The following OLA1 variants were observed in gnomAD, a reference collection of about 807,000 sequenced individuals.
The protein encoded by OLA1 is obg-like ATPase 1.
A neutral mutation model predicts 48.4 loss-of-function variants in OLA1; 14 were observed. The ratio of observed to expected loss-of-function variants is 0.29; its 90% CI spans 0.19 to 0.45. The LOEUF is 0.45. Ranked by LOEUF, OLA1 falls within the 20% of genes least tolerant of loss-of-function variation. The pLI is 1.00. For missense variants in OLA1, 325 were observed against 467.1 expected, an observed-to-expected ratio of 0.70 and a Z score of 2.80; for synonymous variants, 127 against 150.4, an observed-to-expected ratio of 0.84 and a Z score of 1.14.
intron 7 of OLA1, among the ~76,000 whole-genome samples, chr2:174,093,745 CAGTT>C (rs1367466063): frequency 1.3e-5 from 2 of 152,170 alleles, no homozygotes; most frequent in African/African-American, 2.4e-5. Context: ...CTGTGAAACT[CAGTT>C]AGCTACAAGA....
chr2:174,220,716 A>C (rs1559012085), intron 4 of OLA1, among the ~76,000 whole-genome samples: 1 of 152,230 alleles, frequency 6.6e-6, no homozygotes. Flanking sequence ...CAATGTATAT[A>C]TTTTACATAT....
rs532536178 is a variant in OLA1, at chr2:174,226,198, CA to C, written c.246-3039del. Among the ~76,000 whole-genome samples the C allele has an allele frequency of 3.2e-4, 27 of 83,644 alleles. 2 individuals carry two copies. The highest frequency in any genetic ancestry group is 1.2e-3 in the Admixed American group (9 of 7,726). The allele number at this position is 83,644 out of a possible 152,430, so 54.9% of individuals were successfully genotyped here. A position where few individuals can be genotyped will look rare whatever the true frequency, so the allele number is the denominator to read the frequency against. ...TGGGCGACAGAGCGAGACTCCGTCT[CA>C]AAAAAAAAAAAAAAAAAAGAAAATG... is the stretch of plus-strand genomic sequence containing the variant. On this transcript the variant is annotated intron_variant, in intron 3 of 10. Transcript: ENST00000284719.
At chr2:174,081,865 T>A in intron 8 of OLA1, 59 bp downstream of exon 8, 1 of 1,536,244 alleles carries the variant, frequency 6.5e-7, no homozygotes, top group South Asian at 1.1e-5. Context: ...CGCAAGCAAT[T>A]AAATTACTGC....
At chr2:174,081,062 G>T in intron 9 of OLA1, 90 bp downstream of exon 9, 1 of 1,062,354 alleles carries the variant, frequency 9.4e-7, no homozygotes, top group South Asian at 1.3e-5. Flanking sequence ...CTAGCTAACC[G>T]CCACCATGAC....
chr2:174,223,304 TC>T (rs1217591391), intron 3 of OLA1, 144 bp from the exon 4 acceptor site: 3 of 724,554 alleles, frequency 4.1e-6, no homozygotes, highest in Non-Finnish European at 4.3e-6. Context: ...TATCCACCCC[TC>T]CCCCCAAAAA....
chr2:174,155,093 T>C (rs1217220418), intron 4 of OLA1, among the ~76,000 whole-genome samples: 2 of 152,174 alleles, frequency 1.3e-5, no homozygotes, highest in African/African-American at 4.8e-5. Flanking sequence ...CAATAATCTA[T>C]CCATTCTATT....
intron 4 of OLA1, among the ~76,000 whole-genome samples, chr2:174,166,059 G>A (rs541471044): frequency 1.3e-5 from 2 of 151,550 alleles, no homozygotes; most frequent in East Asian, 3.9e-4. Flanking sequence ...CCGGGAGGCA[G>A]AGGTCACATG....
rs892447173 is a variant in OLA1, at chr2:174,141,946, C to T, written c.428G>A (p.Arg143Gln). 2 of 1,612,850 alleles carry T rather than the reference C, an allele frequency of 1.2e-6. No individual in the cohort carries two copies. The highest frequency in any genetic ancestry group is 1.3e-5 in the African/African-American group (1 of 74,794). The stretch of plus-strand genomic sequence containing the variant: ...CTCTTCATGTATTATTTCTATATCT[C>T]GAATAGGATCTACACTTCCTTCAAC... ...THVEGSVDPI[R>Q]DIEIIHEELQ... Residue 143 changes from arginine to glutamine, a missense_variant, in exon 5 of 11, where the codon CGA (arginine) becomes CAA (glutamine). Arg to Gln is a conservative substitution (Grantham distance 43, BLOSUM62 1). Coordinates refer to ENST00000284719, the MANE Select transcript of OLA1 (RefSeq NM_013341.5).
intron 4 of OLA1, among the ~76,000 whole-genome samples, chr2:174,190,944 CAAAAAAA>C (rs774971306): frequency 2.7e-4 from 9 of 32,910 alleles, no homozygotes; most frequent in African/African-American, 5.1e-4. Flanking sequence ...GACTTCGTCT[CAAAAAAA>C]AAAAAAAAAA....
intron 4 of OLA1, among the ~76,000 whole-genome samples, chr2:174,210,414 A>G (rs1006237844): frequency 1.3e-5 from 2 of 152,198 alleles, no homozygotes; most frequent in Non-Finnish European, 2.9e-5. Context: ...TTTATATATT[A>G]CATATACATT....
intron 4 of OLA1, among the ~76,000 whole-genome samples, chr2:174,194,350 C>T (rs1395264862): frequency 6.6e-6 from 1 of 152,184 alleles, no homozygotes; most frequent in Non-Finnish European, 1.5e-5. Flanking sequence ...ACTAATCTGT[C>T]CCAATTCTAG....
intron 2 of OLA1, among the ~76,000 whole-genome samples, chr2:174,238,223 C>T (rs2358485): frequency 0.14 from 21,791 of 152,152 alleles, 2,076 homozygotes; most frequent in Admixed American, 0.23. Context: ...TGGCCAGCCA[C>T]GGTGGCTCAT....
intron 7 of OLA1, among the ~76,000 whole-genome samples, chr2:174,096,074 G>C (rs1685249071): frequency 6.6e-6 from 1 of 152,134 alleles, no homozygotes; most frequent in Non-Finnish European, 1.5e-5. Flanking sequence ...ACAATAAGTA[G>C]TATATCCATA....
At chr2:174,190,703 T>C (rs1030342269) in intron 4 of OLA1, among the ~76,000 whole-genome samples, 1 of 151,896 alleles carries the variant, frequency 6.6e-6, no homozygotes, top group African/African-American at 2.4e-5. Flanking sequence ...CAAAGAGTAA[T>C]GTGGAAGCAT....
chr2:174,096,066 A>G (rs921203624), intron 7 of OLA1, among the ~76,000 whole-genome samples: 4 of 152,240 alleles, frequency 2.6e-5, no homozygotes, highest in African/African-American at 7.2e-5. Flanking sequence ...GAAGACAGAC[A>G]ATAAGTAGTA....
chr2:174,154,008 G>C (rs374859525), intron 4 of OLA1, among the ~76,000 whole-genome samples: 1 of 151,978 alleles, frequency 6.6e-6, no homozygotes, highest in Non-Finnish European at 1.5e-5. Context: ...GTGGAACTAC[G>C]AGTGCCTGCC....
intron 4 of OLA1, among the ~76,000 whole-genome samples, chr2:174,149,449 T>A (rs2105386979): frequency 6.6e-6 from 1 of 152,290 alleles, no homozygotes; most frequent in Admixed American, 6.5e-5. Flanking sequence ...CTCCCCTGAG[T>A]GGCTCCAATA....
At chr2:174,114,172 C>CA (rs33971592) in intron 7 of OLA1, among the ~76,000 whole-genome samples, 24,487 of 78,166 alleles carry the variant, frequency 0.31, 3,464 homozygotes, top group Non-Finnish European at 0.38. Context: ...ACTAAAAATA[C>CA]AAAAAAAAAA....
chr2:174,135,136 G>GGC (rs1365507707), intron 5 of OLA1, among the ~76,000 whole-genome samples: 1 of 145,536 alleles, frequency 6.9e-6, no homozygotes, highest in African/African-American at 2.5e-5. Context: ...CTCCAGCCTG[G>GGC]GCGACAGAGC....
Sources: allele counts gnomAD v4.1 joint callset (sites outside exome capture counted in the v4.1 genomes callset), GRCh38; gene constraint gnomAD v4.1.1; transcripts MANE v1.5; gene names NCBI Gene and HGNC (gene_info 2026-07-23, HGNC 2026-07-21).